The following SLC35F1 variants were observed in gnomAD, a reference collection of about 807,000 sequenced individuals.
SLC35F1 encodes the protein solute carrier family 35 member F1, also known as chromosome 6 open reading frame 169.
A neutral mutation model predicts 48.7 loss-of-function variants in SLC35F1; 14 were observed. The ratio of observed to expected loss-of-function variants is 0.29; its 90% CI spans 0.19 to 0.45. The LOEUF (loss-of-function observed/expected upper bound fraction) is 0.45. SLC35F1 is among the 20% of genes least tolerant of loss of function. SLC35F1 has a pLI of 1.00. For synonymous variants in SLC35F1, 190 were observed against 202.2 expected, an observed-to-expected ratio of 0.94 and a Z score of 0.51; for missense variants, 404 against 500.0, an observed-to-expected ratio of 0.81 and a Z score of 1.83.
chr6:118,062,948 G>A (rs1198732558), intron 1 of SLC35F1, among the ~76,000 whole-genome samples: 1 of 151,890 alleles, frequency 6.6e-6, no homozygotes, highest in Non-Finnish European at 1.5e-5. Context: ...GCTTATAAAG[G>A]CATTTTATTT....
Position 117,907,611 on chromosome 6 carries a change from C to G in SLC35F1, c.-116C>G. ...CCGCCTCACCGCTTCGCAGGCAGCA[C>G]CGCCTCCCGGGCCGCGGCCGCCCGG... On this transcript the variant is annotated 5_prime_UTR_variant, in exon 1 of 8. Transcript: ENST00000360388. The G allele has an allele frequency of 1.9e-6, 1 of 534,228 alleles. No homozygotes were observed. Among genetic ancestry groups the G allele is most frequent in the Non-Finnish European group, 3.0e-6 (1 of 335,458 alleles). 33.1% of individuals were successfully genotyped at this position (534,228 alleles called of 1,614,324 possible).
chr6:118,108,150 TCACA>T (rs924140903), intron 1 of SLC35F1, among the ~76,000 whole-genome samples: 2 of 151,530 alleles, frequency 1.3e-5, no homozygotes, highest in Non-Finnish European at 2.9e-5. Flanking sequence ...AATATTTGAT[TCACA>T]CACACACACA....
At chr6:117,962,994 C>T (rs576988603) in intron 1 of SLC35F1, among the ~76,000 whole-genome samples, 4 of 152,164 alleles carry the variant, frequency 2.6e-5, no homozygotes, top group South Asian at 2.1e-4. Flanking sequence ...CTCAGAGCCC[C>T]GGTTTCCTTA....
chr6:118,223,894 T>G (rs528635919), intron 2 of SLC35F1, among the ~76,000 whole-genome samples: 1 of 152,352 alleles, frequency 6.6e-6, no homozygotes, highest in Non-Finnish European at 1.5e-5. Flanking sequence ...GAGGCAAGTC[T>G]GCCTTGGCCT....
intron 1 of SLC35F1, among the ~76,000 whole-genome samples, chr6:118,061,202 G>A (rs1772531627): frequency 6.6e-6 from 1 of 152,198 alleles, no homozygotes; most frequent in Non-Finnish European, 1.5e-5. Flanking sequence ...GAGGCTGGAG[G>A]CCACCACCAT....
chr6:117,995,008 C>T (rs890782533), intron 1 of SLC35F1, among the ~76,000 whole-genome samples: 1 of 152,192 alleles, frequency 6.6e-6, no homozygotes, highest in Non-Finnish European at 1.5e-5. Context: ...AATTACAATA[C>T]ATGTTGGGGA....
At chr6:118,076,592 A>G (rs1376382344) in intron 1 of SLC35F1, among the ~76,000 whole-genome samples, 2 of 152,184 alleles carry the variant, frequency 1.3e-5, no homozygotes, top group African/African-American at 4.8e-5. Context: ...GAACTCTATC[A>G]CAAGAACAGC....
At chr6:117,938,914 C>T (rs753137047) in intron 1 of SLC35F1, among the ~76,000 whole-genome samples, 1 of 150,192 alleles carries the variant, frequency 6.7e-6, no homozygotes, top group African/African-American at 2.4e-5. Context: ...TTTTGTTTTA[C>T]AGGCAGTCCC....
intron 6 of SLC35F1, 36 bp from the exon 7 acceptor site, chr6:118,285,147 AG>A (rs769282298): frequency 3.2e-5 from 51 of 1,603,834 alleles, no homozygotes; most frequent in Non-Finnish European, 4.2e-5. Flanking sequence ...GCCCTGGAGG[AG>A]GCCCTGACGC....
At chr6:118,176,534 A>G (rs113812725) in intron 2 of SLC35F1, among the ~76,000 whole-genome samples, 5 of 152,092 alleles carry the variant, frequency 3.3e-5, no homozygotes, top group African/African-American at 1.2e-4. Flanking sequence ...TTTACTGGTC[A>G]TAAAGTGTTG....
At chr6:118,254,587 G>A (rs17079898) in intron 3 of SLC35F1, among the ~76,000 whole-genome samples, 58,214 of 151,904 alleles carry the variant, frequency 0.38, 11,878 homozygotes, top group Middle Eastern at 0.49. Context: ...CAATTTTTGC[G>A]GTTTTCTAAC....
chr6:118,269,812 G>C (rs1230850949), intron 4 of SLC35F1, among the ~76,000 whole-genome samples: 1 of 152,038 alleles, frequency 6.6e-6, no homozygotes, highest in East Asian at 1.9e-4. Flanking sequence ...AAGGCAGGAG[G>C]GTCACTTGAG....
At chr6:118,235,348 T>TA (rs746262035) in intron 2 of SLC35F1, among the ~76,000 whole-genome samples, 161 bp from the exon 3 acceptor site, 2 of 152,088 alleles carry the variant, frequency 1.3e-5, no homozygotes, top group Non-Finnish European at 2.9e-5. Context: ...ATTTGCTAAA[T>TA]AAAAACATGT....
chr6:117,980,747 AAG>A (rs2114849996), intron 1 of SLC35F1, among the ~76,000 whole-genome samples: 1 of 152,340 alleles, frequency 6.6e-6, no homozygotes, highest in East Asian at 1.9e-4. Flanking sequence ...GAGTCTGTGA[AAG>A]AGAATCAATT....
intron 2 of SLC35F1, among the ~76,000 whole-genome samples, chr6:118,212,764 A>AGGAGGTGGGGGGGG: frequency 7.6e-6 from 1 of 131,514 alleles, no homozygotes; most frequent in South Asian, 2.7e-4. Context: ...GGAAGGAAGG[A>AGGAGGTGGGGGGGG]AGGAAGGAAG....
intron 1 of SLC35F1, among the ~76,000 whole-genome samples, chr6:117,928,644 T>A (rs1355255451): frequency 6.6e-6 from 1 of 152,214 alleles, no homozygotes; most frequent in Non-Finnish European, 1.5e-5. Context: ...AAGCCATAGA[T>A]ACTAGTTTGC....
At chr6:118,049,333 G>A (rs1268737431) in intron 1 of SLC35F1, among the ~76,000 whole-genome samples, 1 of 152,064 alleles carries the variant, frequency 6.6e-6, no homozygotes, top group African/African-American at 2.4e-5. Context: ...AACACCAAAA[G>A]CAATGGCAAC....
At chr6:118,166,489 T>C (rs1367650445) in intron 2 of SLC35F1, among the ~76,000 whole-genome samples, 15 of 152,318 alleles carry the variant, frequency 9.8e-5, no homozygotes, top group African/African-American at 3.1e-4. Context: ...GGGATGATTA[T>C]AGCACAGCTT....
intron 2 of SLC35F1, among the ~76,000 whole-genome samples, chr6:118,226,785 C>G (rs1035871065): frequency 6.6e-6 from 1 of 152,056 alleles, no homozygotes. Flanking sequence ...TGTTTGATAG[C>G]TCATTATAAT....
Sources: allele counts gnomAD v4.1 joint callset (sites outside exome capture counted in the v4.1 genomes callset), GRCh38; gene constraint gnomAD v4.1.1; transcripts MANE v1.5; gene names NCBI Gene and HGNC (gene_info 2026-07-23, HGNC 2026-07-21).